COMMD10: variants seen among roughly 807,000 people sequenced by gnomAD.
The protein encoded by COMMD10 is COMM domain-containing protein 10.
COMMD10 carries 33 observed loss-of-function variants against 28.9 expected under a neutral mutation model. The ratio of observed to expected loss-of-function variants is 1.14; its 90% CI spans 0.87 to 1.53. COMMD10 has a LOEUF of 1.53. Among genes scored for constraint, COMMD10 ranks in the 40% most tolerant of loss-of-function variants. The pLI, the probability that COMMD10 is intolerant of heterozygous loss-of-function variation, is 0.00. For missense variants in COMMD10, 310 were observed against 233.4 expected (o/e 1.33, Z -2.14); for synonymous variants, 110 against 81.7 (o/e 1.35, Z -1.87).
intron 5 of COMMD10, among the ~76,000 whole-genome samples, chr5:116,267,099 C>G (rs909176060): frequency 1.3e-5 from 2 of 151,758 alleles, no homozygotes; most frequent in African/African-American, 4.9e-5. Context: ...CTGGCCAGGG[C>G]AATCAGACAG....
chr5:116,273,470 A>G lies in COMMD10; in HGVS notation c.511-18047A>G, dbSNP rs1016570187. ...TGTTCCAGTCCTATAAAACAATTCTACAAAACAATTTCAAGTTCAAAATTA... is the reference window on the plus strand; with the variant it reads ...TGTTCCAGTCCTATAAAACAATTCTGCAAAACAATTTCAAGTTCAAAATTA... On this transcript the variant is annotated intron_variant, in intron 5 of 6. Transcript: ENST00000274458. Among the ~76,000 whole-genome samples the G allele has an allele frequency of 4.6e-5, 7 of 151,848 alleles. 1 individual carries two copies. The highest frequency in any genetic ancestry group is 8.8e-5 in the Non-Finnish European group (6 of 68,010).
At chr5:116,198,979 C>A (rs1013118319) in intron 5 of COMMD10, among the ~76,000 whole-genome samples, 1 of 152,076 alleles carries the variant, frequency 6.6e-6, no homozygotes. Context: ...TACCAAGGAA[C>A]ATGTTTGGTG....
intron 5 of COMMD10, among the ~76,000 whole-genome samples, chr5:116,204,428 C>T (rs756089860): frequency 6.6e-6 from 1 of 151,948 alleles, no homozygotes; most frequent in African/African-American, 2.4e-5. Context: ...TTTCTCCATC[C>T]TCCTTTTTTT....
chr5:116,207,132 A>G (rs758337827), intron 5 of COMMD10, among the ~76,000 whole-genome samples: 2 of 152,174 alleles, frequency 1.3e-5, no homozygotes, highest in South Asian at 2.1e-4. Context: ...AATAATTACA[A>G]TTATTATATC....
chr5:116,142,600 G>T (rs550049746), intron 5 of COMMD10, among the ~76,000 whole-genome samples: 1 of 151,830 alleles, frequency 6.6e-6, no homozygotes, highest in African/African-American at 2.4e-5. Context: ...TCTAGAGAAA[G>T]ATATAACACT....
At chr5:116,219,079 G>T (rs1213656204) in intron 5 of COMMD10, among the ~76,000 whole-genome samples, 1 of 152,082 alleles carries the variant, frequency 6.6e-6, no homozygotes, top group Non-Finnish European at 1.5e-5. Flanking sequence ...GAAAACCTAT[G>T]AGACAAGACC....
At chr5:116,250,944 C>T (rs1303307146) in intron 5 of COMMD10, among the ~76,000 whole-genome samples, 1 of 151,916 alleles carries the variant, frequency 6.6e-6, no homozygotes, top group Non-Finnish European at 1.5e-5. Flanking sequence ...CTTGGCATGC[C>T]ACTACTAAGC....
chr5:116,150,298 C>G (rs1340335865), intron 5 of COMMD10, among the ~76,000 whole-genome samples: 4 of 152,090 alleles, frequency 2.6e-5, no homozygotes, highest in Admixed American at 6.6e-5. Flanking sequence ...TGTGATGCCT[C>G]CAGCTTTTTT....
At chr5:116,185,886 A>G (rs751343236) in intron 5 of COMMD10, among the ~76,000 whole-genome samples, 4 of 152,044 alleles carry the variant, frequency 2.6e-5, no homozygotes, top group Non-Finnish European at 4.4e-5. Flanking sequence ...CAGTGTCTGC[A>G]AGTTCTTTTC....
chr5:116,206,980 C>G (rs750429895), intron 5 of COMMD10, among the ~76,000 whole-genome samples: 6 of 131,286 alleles, frequency 4.6e-5, no homozygotes, highest in Non-Finnish European at 7.6e-5. Flanking sequence ...AAGATACATT[C>G]TAATTTTTTT....
At chr5:116,132,470 A>G (rs967099228) in intron 4 of COMMD10, among the ~76,000 whole-genome samples, 1 of 152,158 alleles carries the variant, frequency 6.6e-6, no homozygotes, top group Admixed American at 6.5e-5. Context: ...TGCAGTGCCT[A>G]AGCATACATT....
Position 116,215,730 on chromosome 5 carries a change from A to G in COMMD10, c.511-75787A>G, listed in dbSNP as rs866062839. Among the ~76,000 whole-genome samples the G allele has an allele frequency of 8.6e-3, 1,071 of 123,890 alleles. 17 individuals carry two copies. The highest frequency in any genetic ancestry group is 0.033 in the African/African-American group (1,029 of 31,140). 81.3% of individuals were successfully genotyped at this position (123,890 alleles called of 152,430 possible). A position where few individuals can be genotyped will look rare whatever the true frequency, so the allele number is the denominator to read the frequency against. Reference sequence around the variant, plus strand: ...TATATATATATATATATATATATATATGTATATATAATTCATATAAATATA... The same window carrying G: ...TATATATATATATATATATATATATGTGTATATATAATTCATATAAATATA... On this transcript the variant is annotated intron_variant, in intron 5 of 6. Coordinates refer to ENST00000274458, the MANE Select transcript of COMMD10 (RefSeq NM_016144.4).
At position 116,286,811 on chromosome 5, in the gene COMMD10, C is replaced by G. The variant is rs78568531; in HGVS notation, c.511-4706C>G. ...TATCCCAGAGAATGTTCCATGGGTA[C>G]TCAACAATACATGTTCTGCTATTTT... On this transcript the variant is annotated intron_variant, in intron 5 of 6. Coordinates refer to ENST00000274458, the MANE Select transcript of COMMD10 (RefSeq NM_016144.4). Among the ~76,000 whole-genome samples the G allele has an allele frequency of 3.5e-3, 532 of 151,868 alleles. 10 individuals are homozygous for G. The highest frequency in any genetic ancestry group is 0.012 in the African/African-American group (505 of 41,260).
At chr5:116,284,307 G>A (rs545887349) in intron 5 of COMMD10, among the ~76,000 whole-genome samples, 1 of 151,544 alleles carries the variant, frequency 6.6e-6, no homozygotes, top group South Asian at 2.1e-4. Flanking sequence ...ACTACGCACA[G>A]TATCATCTAA....
At chr5:116,258,255 A>T (rs147451612) in intron 5 of COMMD10, among the ~76,000 whole-genome samples, 1 of 151,746 alleles carries the variant, frequency 6.6e-6, no homozygotes, top group African/African-American at 2.4e-5. Context: ...ATTTTGTAGT[A>T]TATCTATTCC....
chr5:116,130,631 A>C (rs1046012235), intron 4 of COMMD10, among the ~76,000 whole-genome samples: 4 of 151,954 alleles, frequency 2.6e-5, no homozygotes, highest in Non-Finnish European at 5.9e-5. Context: ...AAGTTTCTAT[A>C]CTTTTCATTC....
chr5:116,292,811 G>A lies in COMMD10; in HGVS notation c.*322G>A. ...TGTCCTGCTTAGTTTTTACTTGCTG[G>A]ATGATACCATAATGTATCAAGGAGC... is the stretch of plus-strand genomic sequence containing the variant. On this transcript the variant is annotated 3_prime_UTR_variant, in exon 7 of 7. Transcript: ENST00000274458. The A allele has an allele frequency of 2.5e-6, 1 of 398,046 alleles. No homozygotes were observed. The highest frequency in any genetic ancestry group is 4.4e-6 in the Non-Finnish European group (1 of 226,008). 24.7% of individuals were successfully genotyped at this position (398,046 alleles called of 1,614,324 possible). A position where few individuals can be genotyped will look rare whatever the true frequency, so the allele number is the denominator to read the frequency against.
intron 4 of COMMD10, among the ~76,000 whole-genome samples, chr5:116,115,719 A>G (rs544021778): frequency 3.2e-4 from 48 of 152,322 alleles, no homozygotes; most frequent in Middle Eastern, 6.8e-3. Context: ...TATTCCTGCC[A>G]TACTAAATGT....
intron 5 of COMMD10, among the ~76,000 whole-genome samples, chr5:116,168,506 C>A (rs1024871316): frequency 6.6e-6 from 1 of 152,124 alleles, no homozygotes; most frequent in Non-Finnish European, 1.5e-5. Flanking sequence ...ACAGAACTCT[C>A]CACCCCAATC....
Sources: allele counts gnomAD v4.1 joint callset (sites outside exome capture counted in the v4.1 genomes callset), GRCh38; gene constraint gnomAD v4.1.1; transcripts MANE v1.5; gene names NCBI Gene and HGNC (gene_info 2026-07-23, HGNC 2026-07-21).